Variants in NOL9 observed in about 807,000 individuals in gnomAD.
NOL9 encodes polynucleotide 5'-hydroxyl-kinase NOL9.
Under a neutral mutation model 67.9 loss-of-function variants are expected in NOL9, and 28 were observed. The ratio of observed to expected loss-of-function variants is 0.41; its 90% CI spans 0.31 to 0.57. The LOEUF is 0.57. NOL9 is among the 20% of genes least tolerant of loss of function. The probability of loss-of-function intolerance (pLI) is 0.25; values close to 1 mark genes in which losing one functional copy is unlikely to be tolerated. For missense variants in NOL9, 777 were observed against 897.0 expected, an observed-to-expected ratio of 0.87 and a Z score of 1.71; for synonymous variants, 356 against 352.2, an observed-to-expected ratio of 1.01 and a Z score of -0.12.
intron 6 of NOL9, among the ~76,000 whole-genome samples, chr1:6,535,159 A>G (rs1476048114): frequency 6.6e-6 from 1 of 152,180 alleles, no homozygotes; most frequent in East Asian, 1.9e-4. Flanking sequence ...ATCTATATGC[A>G]TACATACACA....
intron 6 of NOL9, among the ~76,000 whole-genome samples, chr1:6,540,124 C>CTTCTT (rs1639247751): frequency 1.9e-5 from 2 of 104,382 alleles, no homozygotes; most frequent in Non-Finnish European, 1.8e-5. Context: ...GAGAGTTATT[C>CTTCTT]TTTTTTTTTT....
chr1:6,528,897 G>A, intron 10 of NOL9, 97 bp downstream of exon 10: 1 of 1,252,622 alleles, frequency 8.0e-7, no homozygotes. Context: ...GACCTCTGTA[G>A]CTTAGACACA....
At chr1:6,543,962 C>T (rs1639357866) in intron 5 of NOL9, among the ~76,000 whole-genome samples, 1 of 152,112 alleles carries the variant, frequency 6.6e-6, no homozygotes, top group Non-Finnish European at 1.5e-5. Flanking sequence ...CTTGTCTCTA[C>T]TAAAAATACA....
chr1:6,536,400 C>T (rs1404701829), intron 6 of NOL9, among the ~76,000 whole-genome samples: 2 of 151,900 alleles, frequency 1.3e-5, no homozygotes, highest in East Asian at 3.9e-4. Context: ...GGTGTGGTGG[C>T]TAATAATAGC....
intron 11 of NOL9, 50 bp from the exon 12 acceptor site, chr1:6,526,053 GA>G (rs1638877752): frequency 6.4e-7 from 1 of 1,566,518 alleles, no homozygotes; most frequent in Admixed American, 1.7e-5. Flanking sequence ...GTCCAGCCCA[GA>G]GGGGTTTACA....
chr1:6,537,319 G>T (rs2148655254), intron 6 of NOL9, among the ~76,000 whole-genome samples: 1 of 152,180 alleles, frequency 6.6e-6, no homozygotes, highest in Non-Finnish European at 1.5e-5. Context: ...CATGACACTG[G>T]TCTAGGTAAC....
chr1:6,546,384 C>CA (rs1383955489), intron 3 of NOL9, among the ~76,000 whole-genome samples: 2 of 152,192 alleles, frequency 1.3e-5, no homozygotes, highest in Non-Finnish European at 1.5e-5. Context: ...CTGGACTCTG[C>CA]AAAAGACTAA....
At position 6,526,957 on chromosome 1, in the gene NOL9, A is replaced by G. The variant is rs1638899231; in HGVS notation, c.1826-128T>C. On this transcript the variant is annotated intron_variant, in intron 10 of 11. Transcript: ENST00000377705. ...AACTCTGTTTTGTTTTGAAAATACAAAGAGCTGGCCAGGTGCAGTGGCTCA... is the reference window on the plus strand; with the variant it reads ...AACTCTGTTTTGTTTTGAAAATACAGAGAGCTGGCCAGGTGCAGTGGCTCA... 4.7e-6 allele frequency: 6 copies of G among 1,268,022 alleles called. No individual in the cohort carries two copies. In the South Asian group the frequency reaches 8.7e-5, roughly 18 times the overall value. The allele number at this position is 1,268,022 out of a possible 1,614,324, so 78.5% of individuals were successfully genotyped here.
chr1:6,550,933 T>C (rs990215413), intron 1 of NOL9, among the ~76,000 whole-genome samples: 1 of 152,158 alleles, frequency 6.6e-6, no homozygotes, highest in Non-Finnish European at 1.5e-5. Flanking sequence ...TCCATCCACC[T>C]CGGCCTCCCA....
rs906824553 is a variant in NOL9, at chr1:6,528,930, T to C, written c.1825+64A>G. On this transcript the variant is annotated intron_variant, in intron 10 of 11. Coordinates refer to ENST00000377705, the MANE Select transcript of NOL9 (RefSeq NM_024654.5). ...ACAGCTACAAGGTCAAGACCAGTCA[T>C]CTACAGTTGAAGCAGTGGATCCTTT... The C allele has an allele frequency of 2.4e-5, 36 of 1,507,362 alleles. No homozygotes were observed. The African/African-American group carries it at 4.7e-4, about 20-fold the overall frequency. 93.4% of individuals were successfully genotyped at this position (1,507,362 alleles called of 1,614,324 possible).
chr1:6,532,891 G>A (rs542647981), intron 7 of NOL9, 131 bp from the exon 8 acceptor site: 44 of 919,472 alleles, frequency 4.8e-5, no homozygotes, highest in African/African-American at 3.8e-4. Flanking sequence ...GTTGGACTTC[G>A]GCTGGGCACA....
At chr1:6,540,520 G>A (rs569578096) in intron 6 of NOL9, among the ~76,000 whole-genome samples, 12 of 152,172 alleles carry the variant, frequency 7.9e-5, no homozygotes, top group African/African-American at 2.4e-4. Context: ...GTCTCACCAC[G>A]TTGCAAACAC....
rs1570024904 is a variant in NOL9, at chr1:6,522,374, A to C, written c.*3480T>G. 6.6e-6 allele frequency: 1 copy of C among 151,580 alleles called. No individual in the cohort carries two copies. Among genetic ancestry groups the C allele is most frequent in the Non-Finnish European group, 1.5e-5 (1 of 67,946 alleles). 9.4% of individuals were successfully genotyped at this position (151,580 alleles called of 1,614,324 possible). ...AGACCAGCCTGACCAATAAAGTGAA[A>C]CGCCATCTCTACTAAAAATACAAAA... On this transcript the variant is annotated 3_prime_UTR_variant, in exon 12 of 12. Transcript: ENST00000377705.
rs139125761 is a variant in NOL9, at chr1:6,529,027, C to T, written c.1792G>A (p.Ala598Thr). The change falls in exon 10 of 12, where the codon GCC becomes ACC. Residue 598 changes from alanine to threonine, a missense_variant. Around this residue, in one of 2 missense-constraint regions of NOL9, gnomAD observed 413 missense variants for 552.6 expected, o/e 0.75. Coordinates refer to ENST00000377705, the MANE Select transcript of NOL9 (RefSeq NM_024654.5). ...RGYTNGPILL[A>T]QTPICDCLGF... ...AAGCAGTCACAGATTGGAGTCTGGG[C>T]AAGCAGGATGGGCCCATTCGTGTAT... 94 of 1,614,074 alleles carry T rather than the reference C, an allele frequency of 5.8e-5. No individual in the cohort carries two copies. The African/African-American group carries it at 1.2e-3, about 20-fold the overall frequency.
chr1:6,554,176 C>A lies in NOL9; in HGVS notation c.327G>T (p.Arg109=). 1 of 1,524,328 alleles carries A rather than the reference C, an allele frequency of 6.6e-7. No homozygotes were observed. The highest frequency in any genetic ancestry group is 2.7e-5 in the East Asian group (1 of 36,656). 94.4% of individuals were successfully genotyped at this position (1,524,328 alleles called of 1,614,324 possible). A position where few individuals can be genotyped will look rare whatever the true frequency, so the allele number is the denominator to read the frequency against. The change falls in exon 1 of 12, where the codon CGG becomes CGT. Residue 109 remains arginine, a synonymous_variant. Transcript: ENST00000377705. ...PELESASSCH[R]PLLIPPVRPV... ...GCCGCACCGGTGGGATGAGGAGAGGCCGGTGGCAACTCGAGGCGGATTCGA... is the reference window on the plus strand; with the variant it reads ...GCCGCACCGGTGGGATGAGGAGAGGACGGTGGCAACTCGAGGCGGATTCGA...
intron 5 of NOL9, among the ~76,000 whole-genome samples, chr1:6,544,564 C>T (rs1639379410): frequency 8.0e-6 from 1 of 125,106 alleles, no homozygotes; most frequent in Non-Finnish European, 1.7e-5. Flanking sequence ...GCCCCCCACC[C>T]CAGAACTTAT....
At chr1:6,539,588 G>A (rs1268936758) in intron 6 of NOL9, among the ~76,000 whole-genome samples, 1 of 152,158 alleles carries the variant, frequency 6.6e-6, no homozygotes, top group Non-Finnish European at 1.5e-5. Context: ...AGGTTCAAGT[G>A]ATCCTCCTGC....
At chr1:6,549,481 G>A in intron 3 of NOL9, 90 bp downstream of exon 3, 4 of 1,460,788 alleles carry the variant, frequency 2.7e-6, no homozygotes, top group Non-Finnish European at 3.7e-6. Flanking sequence ...TAGACCAACT[G>A]TTCTTCCAAG....
At position 6,549,683 on chromosome 1, in the gene NOL9, G is replaced by A. The variant is rs372627408; in HGVS notation, c.632C>T (p.Ser211Leu). The A allele has an allele frequency of 6.9e-5, 111 of 1,613,946 alleles. 1 individual carries two copies. The highest frequency in any genetic ancestry group is 1.2e-4 in the Admixed American group (7 of 59,980). The change falls in exon 3 of 12, where the codon TCG becomes TTG. Residue 211 changes from serine to leucine, a missense_variant. Coordinates refer to ENST00000377705, the MANE Select transcript of NOL9 (RefSeq NM_024654.5). ...SHLNLDDRRW[S>L]MQNFSPQCSI... is the part of the protein sequence containing the mutation. ...ACACTGAGGAGAAAAATTCTGCATCGACCAACGCCTGTCATCTGTAAAGAG... is the reference window on the plus strand; with the variant it reads ...ACACTGAGGAGAAAAATTCTGCATCAACCAACGCCTGTCATCTGTAAAGAG...
Sources: allele counts gnomAD v4.1 joint callset (sites outside exome capture counted in the v4.1 genomes callset), GRCh38; gene constraint gnomAD v4.1.1; regional missense constraint gnomAD v4.1.1; transcripts MANE v1.5; gene names NCBI Gene and HGNC (gene_info 2026-07-23, HGNC 2026-07-21).